BCL2A1: variants seen among roughly 807,000 people sequenced by gnomAD.
BCL2A1 encodes BCL2 related protein A1.
A neutral mutation model predicts 14.4 loss-of-function variants in BCL2A1; 10 were observed. That is an observed-to-expected ratio of 0.69 (90% CI 0.43 to 1.18). BCL2A1 has a LOEUF of 1.18. Ranked by LOEUF, BCL2A1 falls within the 50% of genes most tolerant of loss-of-function variation. The pLI is 0.00. For synonymous variants in BCL2A1, 71 were observed against 76.5 expected, an observed-to-expected ratio of 0.93 and a Z score of 0.38; for missense variants, 158 against 205.0, an observed-to-expected ratio of 0.77 and a Z score of 1.40.
At chr15:79,967,619 TG>T in intron 1 of BCL2A1, 2 of 1,596,242 alleles carry the variant, frequency 1.3e-6, no homozygotes, top group Non-Finnish European at 1.7e-6. Flanking sequence ...AAGCTGTAAG[TG>T]CCTTCTCTAC....
chr15:79,965,554 T>C lies in BCL2A1; in HGVS notation c.421-4380A>G, dbSNP rs192857229. 1.6e-3 allele frequency among the ~76,000 whole-genome samples: 249 copies of C among 152,194 alleles called. 1 individual carries two copies. The highest frequency in any genetic ancestry group is 4.6e-3 in the South Asian group (22 of 4,806). On this transcript the variant is annotated intron_variant, in intron 1 of 1. Transcript: ENST00000267953. ...AAGTGAGAGAGGAAGGCGGCCTAGA[T>C]GCACAGGGTATTACAGCATTTCAAA...
At position 79,970,458 on chromosome 15, in the gene BCL2A1, G is replaced by A. The variant is rs540589327; in HGVS notation, c.420+242C>T. Among the ~76,000 whole-genome samples, 10 of 152,298 alleles carry A rather than the reference G, an allele frequency of 6.6e-5. No individual in the cohort carries two copies. In the South Asian group the frequency reaches 1.9e-3, roughly 28 times the overall value. On this transcript the variant is annotated intron_variant, in intron 1 of 1. Coordinates refer to ENST00000267953, the MANE Select transcript of BCL2A1 (RefSeq NM_004049.4). ...TTATTAATCCCCAAAGCTCACTACTGTAATTTATACTGTTAAGAATAAAAA... is the reference window on the plus strand; with the variant it reads ...TTATTAATCCCCAAAGCTCACTACTATAATTTATACTGTTAAGAATAAAAA...
In BCL2A1 at chr15:79,960,922, C is replaced by T; in HGVS notation, c.*145G>A. ...AAAAATACATACAATTTATTCATTA[C>T]ATGGGGACAAAATTTCCATAACTCT... On this transcript the variant is annotated 3_prime_UTR_variant, in exon 2 of 2. Coordinates refer to ENST00000267953, the MANE Select transcript of BCL2A1 (RefSeq NM_004049.4). 2 of 1,324,460 alleles carry T rather than the reference C, an allele frequency of 1.5e-6. No individual in the cohort carries two copies. Among genetic ancestry groups the T allele is most frequent in the Non-Finnish European group, 2.1e-6 (2 of 948,994 alleles). 82.0% of individuals were successfully genotyped at this position (1,324,460 alleles called of 1,614,324 possible).
At chr15:79,963,844 T>C (rs1336021962) in intron 1 of BCL2A1, among the ~76,000 whole-genome samples, 1 of 152,164 alleles carries the variant, frequency 6.6e-6, no homozygotes, top group Non-Finnish European at 1.5e-5. Flanking sequence ...CAATTGGGAA[T>C]TGGTTAAGTA....
In BCL2A1 at chr15:79,961,038, G is replaced by A. The variant is rs774583270; in HGVS notation, c.*29C>T. Reference sequence around the variant, plus strand: ...CCATATCAGTCAGAAAAATTAGGCCGGTTTCACAATATGGAGTGTCCTTTC... The same window carrying A: ...CCATATCAGTCAGAAAAATTAGGCCAGTTTCACAATATGGAGTGTCCTTTC... On this transcript the variant is annotated 3_prime_UTR_variant, in exon 2 of 2. Transcript: ENST00000267953. The A allele has an allele frequency of 3.7e-6, 6 of 1,611,170 alleles. No individual in the cohort carries two copies. The highest frequency in any genetic ancestry group is 2.2e-5 in the South Asian group (2 of 90,780).
At chr15:79,962,447 A>G (rs966570540) in intron 1 of BCL2A1, among the ~76,000 whole-genome samples, 4 of 152,138 alleles carry the variant, frequency 2.6e-5, no homozygotes, top group South Asian at 4.1e-4. Context: ...GTACATACTC[A>G]TAGTTTCCTA....
intron 1 of BCL2A1, among the ~76,000 whole-genome samples, chr15:79,969,011 C>T (rs1040865360): frequency 3.3e-5 from 5 of 151,692 alleles, no homozygotes; most frequent in Non-Finnish European, 7.4e-5. Context: ...AAGAAAAAGA[C>T]AAAATAAAAG....
At chr15:79,969,996 C>A (rs1019189713) in intron 1 of BCL2A1, among the ~76,000 whole-genome samples, 1 of 152,034 alleles carries the variant, frequency 6.6e-6, no homozygotes, top group South Asian at 2.1e-4. Flanking sequence ...TCAACACAGG[C>A]CTCTACATAG....
Position 79,961,143 on chromosome 15 carries a change from T to C in BCL2A1, c.452A>G (p.Lys151Arg). Residue 151 changes from lysine (K) to arginine (R), a missense_variant, in exon 2 of 2, where the codon AAA becomes AGA. Lys to Arg is a conservative substitution (Grantham distance 26, BLOSUM62 2). Transcript: ENST00000267953. ...TTCTAGAAAAGTCATCCAGCCAGAT[T>C]TAGGTTCAAACTTCTTTACAAAGCC... Reference protein sequence around the residue: ...ENGFVKKFEPKSGWMTFLEVT... With the variant: ...ENGFVKKFEPRSGWMTFLEVT... 6.2e-7 allele frequency: 1 copy of C among 1,614,104 alleles called. No individual in the cohort carries two copies. The highest frequency in any genetic ancestry group is 8.5e-7 in the Non-Finnish European group (1 of 1,179,994).
At chr15:79,969,570 G>C (rs976619973) in intron 1 of BCL2A1, among the ~76,000 whole-genome samples, 8 of 151,896 alleles carry the variant, frequency 5.3e-5, no homozygotes, top group Admixed American at 5.2e-4. Context: ...AAAATAAGTG[G>C]CAGCATTAGT....
chr15:79,970,281 A>C (rs1297291755), intron 1 of BCL2A1, among the ~76,000 whole-genome samples: 1 of 152,164 alleles, frequency 6.6e-6, no homozygotes, highest in African/African-American at 2.4e-5. Flanking sequence ...CAACCCATAA[A>C]TACCTAAAAA....
intron 1 of BCL2A1, among the ~76,000 whole-genome samples, chr15:79,970,077 G>T (rs983967154): frequency 5.9e-5 from 9 of 151,880 alleles, no homozygotes; most frequent in African/African-American, 2.2e-4. Flanking sequence ...GGTTCTTGCT[G>T]GTCATACAGT....
intron 1 of BCL2A1, among the ~76,000 whole-genome samples, chr15:79,966,140 T>C (rs757785644): frequency 1.3e-5 from 2 of 152,136 alleles, no homozygotes; most frequent in African/African-American, 4.8e-5. Flanking sequence ...ATTTGACAGC[T>C]TGGAAAGCAC....
chr15:79,970,790 C>T lies in BCL2A1; in HGVS notation c.330G>A (p.Pro110=), dbSNP rs148871980. The change falls in exon 1 of 2, where the codon CCG becomes CCA. Residue 110 remains proline (P), a synonymous_variant. Transcript: ENST00000267953. ...IKKLLRQQIA[P]DVDTYKEISY... ...AAATCTCCTTATAGGTATCCACATC[C>T]GGGGCAATTTGCTGTCGTAGAAGTT... is the stretch of plus-strand genomic sequence containing the variant. 1.7e-4 allele frequency: 270 copies of T among 1,614,040 alleles called. No individual in the cohort carries two copies. Among genetic ancestry groups the T allele is most frequent in the East Asian group, 1.0e-3 (46 of 44,896 alleles).
intron 1 of BCL2A1, among the ~76,000 whole-genome samples, chr15:79,968,270 A>G (rs1300973459): frequency 6.6e-6 from 1 of 152,260 alleles, no homozygotes; most frequent in East Asian, 1.9e-4. Flanking sequence ...ATTTCTCTGC[A>G]GGCTCATCTG....
At chr15:79,966,910 G>GCTCT (rs2035546794) in intron 1 of BCL2A1, among the ~76,000 whole-genome samples, 1 of 152,130 alleles carries the variant, frequency 6.6e-6, no homozygotes, top group Admixed American at 6.5e-5. Flanking sequence ...ATTACTGATA[G>GCTCT]ACCAGTCTCG....
intron 1 of BCL2A1, among the ~76,000 whole-genome samples, chr15:79,962,251 A>T (rs1340760199): frequency 1.3e-5 from 2 of 152,162 alleles, no homozygotes; most frequent in African/African-American, 4.8e-5. Context: ...CCTTGGAATC[A>T]TTTTATGAGC....
chr15:79,970,151 ATAT>A (rs2035580424), intron 1 of BCL2A1, among the ~76,000 whole-genome samples: 1 of 152,104 alleles, frequency 6.6e-6, no homozygotes, highest in Admixed American at 6.6e-5. Context: ...AATGTGTTAT[ATAT>A]TATATGTAAT....
At chr15:79,970,580 A>G (rs2035583086) in intron 1 of BCL2A1, 120 bp downstream of exon 1, 16 of 1,064,028 alleles carry the variant, frequency 1.5e-5, no homozygotes, top group Non-Finnish European at 2.2e-5. Flanking sequence ...ATTAAAACAA[A>G]CCACCCAAGG....
Sources: allele counts gnomAD v4.1 joint callset (sites outside exome capture counted in the v4.1 genomes callset), GRCh38; gene constraint gnomAD v4.1.1; transcripts MANE v1.5; gene names NCBI Gene and HGNC (gene_info 2026-07-23, HGNC 2026-07-21).